MARK3: variants seen among roughly 807,000 people sequenced by gnomAD.
The protein encoded by MARK3 is MAP/microtubule affinity-regulating kinase 3.
In MARK3, 46 loss-of-function variants were observed where a neutral mutation model predicts 90.1. The observed-to-expected ratio is 0.51, with a 90% CI of 0.40 to 0.65. The LOEUF is 0.65. MARK3 is among the 30% of genes least tolerant of loss of function. The pLI is 0.00. For missense variants in MARK3, 818 were observed against 947.2 expected (o/e 0.86, Z 1.79); for synonymous variants, 321 against 332.6 (o/e 0.97, Z 0.38).
chr14:103,472,376 G>A (rs192488204), intron 12 of MARK3, among the ~76,000 whole-genome samples: 1 of 151,922 alleles, frequency 6.6e-6, no homozygotes, highest in African/African-American at 2.4e-5. Flanking sequence ...TGAAATTTCT[G>A]GCCGGTCGCA....
At chr14:103,398,262 G>T (rs1320254169) in intron 1 of MARK3, among the ~76,000 whole-genome samples, 1 of 152,186 alleles carries the variant, frequency 6.6e-6, no homozygotes, top group Non-Finnish European at 1.5e-5. Context: ...GGAAATGTCA[G>T]ATTGTTCTTC....
At chr14:103,457,292 C>A in intron 6 of MARK3, 80 bp downstream of exon 6, 1 of 1,069,166 alleles carries the variant, frequency 9.4e-7, no homozygotes, top group South Asian at 1.3e-5. Context: ...TGTTTGCCTC[C>A]ATAAATGCTT....
chr14:103,411,182 G>A (rs925910095), intron 2 of MARK3, among the ~76,000 whole-genome samples: 1 of 152,322 alleles, frequency 6.6e-6, no homozygotes, highest in African/African-American at 2.4e-5. Context: ...GCTAAGGCGG[G>A]AGAATGGCAT....
At chr14:103,469,145 T>C (rs1489305393) in intron 12 of MARK3, 2 of 151,778 alleles carry the variant, frequency 1.3e-5, no homozygotes, top group East Asian at 3.8e-4. Flanking sequence ...TTTTACCTTT[T>C]TTATTTCTAT....
At chr14:103,400,617 C>A (rs146817905) in intron 1 of MARK3, among the ~76,000 whole-genome samples, 1 of 152,156 alleles carries the variant, frequency 6.6e-6, no homozygotes, top group Non-Finnish European at 1.5e-5. Context: ...ATAAAGTAGT[C>A]CAGGTATGGT....
rs77908633 is a variant in MARK3, at chr14:103,473,215, A to G, written c.1265-1778A>G. 5.4e-3 allele frequency among the ~76,000 whole-genome samples: 822 copies of G among 152,318 alleles called. 5 individuals carry two copies. The highest frequency in any genetic ancestry group is 0.019 in the African/African-American group (787 of 41,590). On this transcript the variant is annotated intron_variant, in intron 12 of 17. Transcript: ENST00000429436. Reference sequence around the variant, plus strand: ...GAGTAAGAGGGAAGTGGCTGTGGCTATGAAAGGGTAGTCTACAGGGTCTTT... The same window carrying G: ...GAGTAAGAGGGAAGTGGCTGTGGCTGTGAAAGGGTAGTCTACAGGGTCTTT...
intron 2 of MARK3, among the ~76,000 whole-genome samples, chr14:103,405,611 G>T (rs1158308643): frequency 1.3e-5 from 2 of 152,094 alleles, no homozygotes; most frequent in African/African-American, 4.8e-5. Flanking sequence ...AAAGTGCTGG[G>T]ATTACAGGCG....
intron 15 of MARK3, among the ~76,000 whole-genome samples, chr14:103,497,503 C>A (rs994139055): frequency 6.6e-6 from 1 of 152,190 alleles, no homozygotes; most frequent in African/African-American, 2.4e-5. Flanking sequence ...TCAGCACAAC[C>A]TGCACATCTC....
chr14:103,446,114 C>G (rs2092989040), intron 3 of MARK3, among the ~76,000 whole-genome samples: 1 of 152,130 alleles, frequency 6.6e-6, no homozygotes, highest in Non-Finnish European at 1.5e-5. Context: ...AAAGACATCC[C>G]AGGAAAGAAG....
chr14:103,402,968 G>T (rs756264210), intron 1 of MARK3, among the ~76,000 whole-genome samples: 1 of 152,046 alleles, frequency 6.6e-6, no homozygotes, highest in Non-Finnish European at 1.5e-5. Context: ...GTTACAATAG[G>T]CAGTTTCAGC....
intron 3 of MARK3, among the ~76,000 whole-genome samples, chr14:103,430,985 C>T (rs1332850133): frequency 1.3e-5 from 2 of 152,166 alleles, no homozygotes; most frequent in Non-Finnish European, 2.9e-5. Context: ...CAAATGCACA[C>T]CACAGCATCT....
chr14:103,446,752 C>G lies in MARK3; in HGVS notation c.298-2167C>G, dbSNP rs1595717781. On this transcript the variant is annotated intron_variant, in intron 3 of 17. Transcript: ENST00000429436. ...TTTTTTTTTGAGTTGGAGTCTTGCT[C>G]TGTCACCCAGGCTGGAGTGCAGTGG... Among the ~76,000 whole-genome samples, 5 of 121,802 alleles carry G rather than the reference C, an allele frequency of 4.1e-5. No homozygotes were observed. In the Admixed American group the frequency reaches 5.0e-4, roughly 12 times the overall value. 79.9% of individuals were successfully genotyped at this position (121,802 alleles called of 152,430 possible).
At chr14:103,423,608 T>C (rs1345545530) in intron 2 of MARK3, among the ~76,000 whole-genome samples, 1 of 152,182 alleles carries the variant, frequency 6.6e-6, no homozygotes, top group Non-Finnish European at 1.5e-5. Context: ...TTACCACCTC[T>C]TTTGGTGACC....
chr14:103,463,290 C>T (rs145144735), intron 7 of MARK3, among the ~76,000 whole-genome samples: 9 of 152,148 alleles, frequency 5.9e-5, no homozygotes, highest in Non-Finnish European at 1.3e-4. Flanking sequence ...TCTCCCCTTA[C>T]GTAATTGCCA....
chr14:103,466,205 A>T lies in MARK3; in HGVS notation c.897+114A>T, dbSNP rs890000804. The T allele has an allele frequency of 2.2e-6, 3 of 1,391,444 alleles. No homozygotes were observed. The Admixed American group carries it at 6.5e-5, about 30-fold the overall frequency. 86.2% of individuals were successfully genotyped at this position (1,391,444 alleles called of 1,614,324 possible). On this transcript the variant is annotated intron_variant, in intron 9 of 17. Transcript: ENST00000429436. ...ATATCCTGCGGCTTTTTAAGCAAGAATTGAAACATTAAAAAATATTTTTTG... is the reference window on the plus strand; with the variant it reads ...ATATCCTGCGGCTTTTTAAGCAAGATTTGAAACATTAAAAAATATTTTTTG...
intron 1 of MARK3, among the ~76,000 whole-genome samples, chr14:103,397,587 A>C (rs1002813811): frequency 2.0e-5 from 3 of 152,162 alleles, no homozygotes; most frequent in South Asian, 4.1e-4. Flanking sequence ...AGCCTCCTAA[A>C]GTGCTGGGAT....
intron 1 of MARK3, among the ~76,000 whole-genome samples, chr14:103,398,543 G>C (rs774251408): frequency 6.6e-6 from 1 of 152,080 alleles, no homozygotes; most frequent in Non-Finnish European, 1.5e-5. Context: ...AATTTTGTGG[G>C]GGCTTTTTGG....
At chr14:103,400,876 G>A (rs1185337674) in intron 1 of MARK3, among the ~76,000 whole-genome samples, 4 of 134,570 alleles carry the variant, frequency 3.0e-5, no homozygotes, top group African/African-American at 1.1e-4. Context: ...TCCAGCCTGG[G>A]CAACAGAACG....
chr14:103,431,199 C>A (rs1363121514), intron 3 of MARK3, among the ~76,000 whole-genome samples: 1 of 152,152 alleles, frequency 6.6e-6, no homozygotes, highest in Non-Finnish European at 1.5e-5. Flanking sequence ...TCAAGCAATT[C>A]TTCTCCCTCA....
Sources: gnomAD v4.1 joint callset for allele counts (sites outside exome capture counted in the v4.1 genomes callset) on GRCh38, gnomAD v4.1.1 for gene constraint, MANE v1.5 for transcripts, NCBI Gene and HGNC (gene_info 2026-07-23, HGNC 2026-07-21) for gene names.